Variants in TSPAN9 observed in about 807,000 individuals in gnomAD.
The protein encoded by TSPAN9 is tetraspanin 9, also known as tetraspanin-9.
In TSPAN9, 16 loss-of-function variants were observed where a neutral mutation model predicts 31.0. The ratio of observed to expected loss-of-function variants is 0.52; its 90% CI spans 0.35 to 0.78. The LOEUF (loss-of-function observed/expected upper bound fraction) is 0.78. TSPAN9 is among the 30% of genes least tolerant of loss of function. The pLI, the probability that TSPAN9 is intolerant of heterozygous loss-of-function variation, is 0.01. For synonymous variants in TSPAN9, 145 were observed against 121.6 expected, an observed-to-expected ratio of 1.19 and a Z score of -1.27; for missense variants, 272 against 312.5, an observed-to-expected ratio of 0.87 and a Z score of 0.98.
At chr12:3,095,696 T>G (rs1319110617) in intron 2 of TSPAN9, among the ~76,000 whole-genome samples, 6 of 63,004 alleles carry the variant, frequency 9.5e-5, no homozygotes, top group Non-Finnish European at 1.4e-4. Context: ...ACTTCCCAGA[T>G]GGGGCGGCGG....
chr12:3,144,403 T>G (rs7314045), intron 2 of TSPAN9, among the ~76,000 whole-genome samples: 25,830 of 152,048 alleles, frequency 0.17, 2,430 homozygotes, highest in Non-Finnish European at 0.22. Flanking sequence ...GCCTGGCCAG[T>G]GAGTGGTATC....
At chr12:3,178,361 T>G (rs142238693) in intron 2 of TSPAN9, among the ~76,000 whole-genome samples, 6,144 of 151,714 alleles carry the variant, frequency 0.04, 394 homozygotes, top group African/African-American at 0.14. Flanking sequence ...CGTGCTCTCA[T>G]TTCACTGCAA....
In TSPAN9 at chr12:3,143,520, T is replaced by G. The variant is rs947683717; in HGVS notation, c.-17-57657T>G. Among the ~76,000 whole-genome samples, 5 of 152,072 alleles carry G rather than the reference T, an allele frequency of 3.3e-5. No individual in the cohort carries two copies. Among genetic ancestry groups the G allele is most frequent in the African/African-American group, 1.2e-4 (5 of 41,436 alleles). The stretch of plus-strand genomic sequence containing the variant: ...GGAAGAGCTATTTCTTCTGTCCCAC[T>G]TATTTATTCAATTAGTTATTTTTAT... On this transcript the variant is annotated intron_variant, in intron 2 of 8. Coordinates refer to ENST00000011898, the MANE Select transcript of TSPAN9 (RefSeq NM_006675.5). This position sits in a 1 kb window ranked among gnomAD's most constrained non-coding sequence, Gnocchi z 4.2.
chr12:3,142,443 G>C (rs932638008), intron 2 of TSPAN9, among the ~76,000 whole-genome samples: 2 of 152,134 alleles, frequency 1.3e-5, no homozygotes, highest in African/African-American at 4.8e-5. Flanking sequence ...CCATTCCCAG[G>C]CTGGCCCTAG....
In TSPAN9 at chr12:3,281,293, C is replaced by T. The variant is rs1862888947; in HGVS notation, c.528C>T (p.Gly176=). 3 of 1,551,152 alleles carry T rather than the reference C, an allele frequency of 1.9e-6. No individual in the cohort carries two copies. Among genetic ancestry groups the T allele is most frequent in the Middle Eastern group, 1.7e-4 (1 of 5,988 alleles). Residue 176 remains glycine (G), a synonymous_variant, in exon 7 of 9, where the codon GGC becomes GGT. Transcript: ENST00000011898. Reference sequence around the variant, plus strand: ...GCTGCTGCATGGAGAACTCCCAGGGCTGCGGGCGCAACGCCACCACGCCTT... The same window carrying T: ...GCTGCTGCATGGAGAACTCCCAGGGTTGCGGGCGCAACGCCACCACGCCTT... ...PDRCCMENSQ[G]CGRNATTPLW...
intron 2 of TSPAN9, among the ~76,000 whole-genome samples, chr12:3,110,004 G>A (rs1189091002): frequency 6.6e-6 from 1 of 151,998 alleles, no homozygotes; most frequent in African/African-American, 2.4e-5. Context: ...CACCAGGAGG[G>A]GCTGAAAACA....
In TSPAN9 at chr12:3,283,185, A is replaced by C. The variant is rs632887; in HGVS notation, c.*69A>C. On this transcript the variant is annotated 3_prime_UTR_variant, in exon 9 of 9. Transcript: ENST00000011898. ...AGGGAAGAGGATTGAGCTTTGTGTCACCTGCCTGCGCTCTCCAGATATGAC... is the reference window on the plus strand; with the variant it reads ...AGGGAAGAGGATTGAGCTTTGTGTCCCCTGCCTGCGCTCTCCAGATATGAC... The C allele has an allele frequency of 4.5e-5, 69 of 1,541,190 alleles. 1 individual carries two copies. In the South Asian group the frequency reaches 7.1e-4, roughly 16 times the overall value.
intron 3 of TSPAN9, among the ~76,000 whole-genome samples, chr12:3,271,883 A>G (rs1450711182): frequency 6.6e-6 from 1 of 152,286 alleles, no homozygotes; most frequent in Non-Finnish European, 1.5e-5. Flanking sequence ...TCTGCTCCCC[A>G]TGATGAAGTT....
chr12:3,174,924 C>A (rs1005449774), intron 2 of TSPAN9, among the ~76,000 whole-genome samples: 18 of 151,768 alleles, frequency 1.2e-4, no homozygotes, highest in African/African-American at 4.1e-4. Flanking sequence ...CTGAGGAGCT[C>A]CTGATTTGGT....
At chr12:3,151,787 G>A (rs2098339855) in intron 2 of TSPAN9, among the ~76,000 whole-genome samples, 1 of 151,964 alleles carries the variant, frequency 6.6e-6, no homozygotes, top group South Asian at 2.1e-4. Flanking sequence ...CAAAACAACC[G>A]TGGTGTGCGC....
rs1253632030 is a variant in TSPAN9 at position 3,168,623 on chromosome 12, G to A, written c.-17-32554G>A. ...CATTGTCACTTGCTTGTGAAGTGCT[G>A]CATCCAATCTCTTTACGAATGGATG... is the stretch of plus-strand genomic sequence containing the variant. On this transcript the variant is annotated intron_variant, in intron 2 of 8. Coordinates refer to ENST00000011898, the MANE Select transcript of TSPAN9 (RefSeq NM_006675.5). The surrounding 1 kb of genome is among the most constrained non-coding windows in gnomAD (Gnocchi z 4.0). 6.6e-6 allele frequency among the ~76,000 whole-genome samples: 1 copy of A among 152,170 alleles called. No individual in the cohort carries two copies. The highest frequency in any genetic ancestry group is 1.5e-5 in the Non-Finnish European group (1 of 68,040).
At chr12:3,203,083 T>G (rs2098372871) in intron 3 of TSPAN9, among the ~76,000 whole-genome samples, 1 of 152,204 alleles carries the variant, frequency 6.6e-6, no homozygotes, top group African/African-American at 2.4e-5. Flanking sequence ...CTGCCTATAT[T>G]AAGCCTTATT....
intron 2 of TSPAN9, among the ~76,000 whole-genome samples, chr12:3,169,429 C>T (rs1196524682): frequency 2.0e-5 from 3 of 152,134 alleles, no homozygotes; most frequent in Non-Finnish European, 4.4e-5. Context: ...GTTTGGTGTC[C>T]TGGGAAAAGT....
At chr12:3,111,800 C>T (rs1159958784) in intron 2 of TSPAN9, among the ~76,000 whole-genome samples, 4 of 152,000 alleles carry the variant, frequency 2.6e-5, no homozygotes, top group Middle Eastern at 3.4e-3. Flanking sequence ...TTAGTAGAGA[C>T]AGGGTTTCAT....
intron 3 of TSPAN9, among the ~76,000 whole-genome samples, chr12:3,262,835 A>G (rs1246672791): frequency 6.6e-6 from 1 of 152,126 alleles, no homozygotes; most frequent in Non-Finnish European, 1.5e-5. Flanking sequence ...TGAGACTGCC[A>G]TCTCCTCCCT....
At position 3,282,015 on chromosome 12, in the gene TSPAN9, G is replaced by A. The variant is rs1320422455; in HGVS notation, c.648+198G>A. The A allele has an allele frequency of 4.0e-6, 3 of 749,392 alleles. No individual in the cohort carries two copies. In the South Asian group the frequency reaches 4.4e-5, roughly 11 times the overall value. The allele number at this position is 749,392 out of a possible 1,614,324, so 46.4% of individuals were successfully genotyped here. ...AGAGCACGTGTCTACTCAGCACTGA[G>A]AGTGGTGCTCAGGGCTGCCTGTGGC... On this transcript the variant is annotated intron_variant, in intron 8 of 8. Transcript: ENST00000011898.
intron 2 of TSPAN9, among the ~76,000 whole-genome samples, chr12:3,110,695 G>A (rs1347014358): frequency 1.3e-5 from 2 of 152,182 alleles, no homozygotes; most frequent in Admixed American, 6.5e-5. Context: ...ATTGCAAACC[G>A]ACTTGGAAAC....
chr12:3,175,527 A>G (rs1047793316), intron 2 of TSPAN9, among the ~76,000 whole-genome samples: 1 of 152,152 alleles, frequency 6.6e-6, no homozygotes, highest in Non-Finnish European at 1.5e-5. Context: ...TTCCTTTGGT[A>G]CTTGTAGAAT....
chr12:3,262,487 G>A (rs181020779), intron 3 of TSPAN9, among the ~76,000 whole-genome samples: 1 of 149,968 alleles, frequency 6.7e-6, no homozygotes, highest in Admixed American at 6.7e-5. Flanking sequence ...TTTCTGTTCT[G>A]TTCATTGAAC....
Sources: gnomAD v4.1 joint callset for allele counts (sites outside exome capture counted in the v4.1 genomes callset) on GRCh38, gnomAD v4.1.1 for gene constraint, Gnocchi (gnomAD v3.1) non-coding constraint, MANE v1.5 for transcripts, NCBI Gene and HGNC (gene_info 2026-07-23, HGNC 2026-07-21) for gene names.